R3HCC1L: variants seen among roughly 807,000 people sequenced by gnomAD.
R3HCC1L encodes the protein coiled-coil domain-containing protein R3HCC1L.
A neutral mutation model predicts 59.9 loss-of-function variants in R3HCC1L; 51 were observed. The observed-to-expected ratio is 0.85, with a 90% CI of 0.68 to 1.07. The LOEUF (loss-of-function observed/expected upper bound fraction) is 1.07. Ranked by LOEUF, R3HCC1L falls within the 50% of genes least tolerant of loss-of-function variation. R3HCC1L has a pLI of 0.00. For missense variants in R3HCC1L, 965 were observed against 933.0 expected, an observed-to-expected ratio of 1.03 and a Z score of -0.45; for synonymous variants, 322 against 315.2, an observed-to-expected ratio of 1.02 and a Z score of -0.23.
intron 4 of R3HCC1L, chr10:98,174,492 CTT>C (rs756397848): frequency 3.8e-6 from 3 of 782,590 alleles, no homozygotes; most frequent in Non-Finnish European, 4.7e-6. Context: ...CCTCAAGAAA[CTT>C]GTAGAGTGTG....
At chr10:98,137,918 G>A (rs1253379226) in intron 1 of R3HCC1L, among the ~76,000 whole-genome samples, 1 of 151,934 alleles carries the variant, frequency 6.6e-6, no homozygotes, top group South Asian at 2.1e-4. Flanking sequence ...CAGACTATTA[G>A]ACTTTAAAAT....
intron 9 of R3HCC1L, among the ~76,000 whole-genome samples, chr10:98,241,005 A>G (rs528562679): frequency 1.3e-5 from 2 of 152,320 alleles, no homozygotes; most frequent in Non-Finnish European, 2.9e-5. Flanking sequence ...TAATACATTG[A>G]TAATTATTCT....
intron 4 of R3HCC1L, among the ~76,000 whole-genome samples, chr10:98,170,400 C>G (rs1848403097): frequency 6.6e-6 from 1 of 152,180 alleles, no homozygotes; most frequent in African/African-American, 2.4e-5. Context: ...ACTGCACCCT[C>G]AAATTCATGG....
chr10:98,151,636 T>G (rs537325980), intron 1 of R3HCC1L, among the ~76,000 whole-genome samples: 58 of 152,250 alleles, frequency 3.8e-4, no homozygotes, highest in African/African-American at 1.4e-3. Flanking sequence ...GACATAGAGA[T>G]ATGTTTTTTA....
At chr10:98,172,198 T>A (rs1403599781) in intron 4 of R3HCC1L, among the ~76,000 whole-genome samples, 1 of 152,154 alleles carries the variant, frequency 6.6e-6, no homozygotes, top group Non-Finnish European at 1.5e-5. Flanking sequence ...GATATACACG[T>A]ATTCACAGAT....
intron 4 of R3HCC1L, among the ~76,000 whole-genome samples, chr10:98,170,211 T>A (rs1002101234): frequency 1.3e-5 from 2 of 152,182 alleles, no homozygotes; most frequent in African/African-American, 4.8e-5. Context: ...ACTGCTAGTT[T>A]AGTTGATAGA....
At chr10:98,183,302 A>G (rs1019062399) in intron 4 of R3HCC1L, among the ~76,000 whole-genome samples, 1 of 148,824 alleles carries the variant, frequency 6.7e-6, no homozygotes. Context: ...AATTTCTGAA[A>G]GTTCTTATCC....
chr10:98,142,053 G>A (rs1845193875), intron 1 of R3HCC1L, among the ~76,000 whole-genome samples: 1 of 152,122 alleles, frequency 6.6e-6, no homozygotes, highest in Admixed American at 6.5e-5. Context: ...GTGTTATTTT[G>A]TTAAAAAATT....
rs1218549207 is a variant in R3HCC1L, at chr10:98,235,460, A to G, written c.2068A>G (p.Lys690Glu). The G allele has an allele frequency of 6.2e-7, 1 of 1,613,792 alleles. No individual in the cohort carries two copies. The highest frequency in any genetic ancestry group is 8.5e-7 in the Non-Finnish European group (1 of 1,179,822). The change falls in exon 8 of 10, where the codon AAG becomes GAG. Residue 690 changes from lysine to glutamate, a missense_variant. Physicochemically the swap from Lys to Glu is moderately conservative, Grantham distance 56. Transcript: ENST00000298999. ...GTTGGGTATTAAACACACCATGGTG[A>G]AGATTCGTCCCTTGTCACAGGCCAC... is the stretch of plus-strand genomic sequence containing the variant. ...DALGIKHTMV[K>E]IRPLSQATRA... is the part of the protein sequence containing the mutation.
At chr10:98,201,831 G>GT (rs1852078073) in intron 4 of R3HCC1L, among the ~76,000 whole-genome samples, 2 of 151,010 alleles carry the variant, frequency 1.3e-5, no homozygotes, top group Admixed American at 1.3e-4. Flanking sequence ...GTTAGGAAAT[G>GT]TTTTTTGGAT....
At chr10:98,164,892 T>C (rs981676581) in intron 4 of R3HCC1L, among the ~76,000 whole-genome samples, 1 of 152,188 alleles carries the variant, frequency 6.6e-6, no homozygotes, top group African/African-American at 2.4e-5. Flanking sequence ...AGCTGTGAAA[T>C]AAACAGCTAG....
intron 1 of R3HCC1L, among the ~76,000 whole-genome samples, chr10:98,134,922 C>A (rs1008737313): frequency 2.6e-5 from 4 of 152,176 alleles, no homozygotes; most frequent in Non-Finnish European, 5.9e-5. Context: ...TTGAGAGGGA[C>A]CCTCCCGGGG....
chr10:98,173,885 G>A (rs1000003852), intron 4 of R3HCC1L, among the ~76,000 whole-genome samples: 2 of 152,168 alleles, frequency 1.3e-5, no homozygotes, highest in Admixed American at 1.3e-4. Context: ...CTTCCCAATA[G>A]GAAGAGTATC....
Position 98,208,915 on chromosome 10 carries a change from T to C in R3HCC1L, c.801T>C (p.Thr267=). 1.2e-6 allele frequency: 2 copies of C among 1,614,138 alleles called. No individual in the cohort carries two copies. The highest frequency in any genetic ancestry group is 2.7e-5 in the African/African-American group (2 of 75,038). Residue 267 remains threonine, a synonymous_variant, in exon 5 of 10, where the codon ACT becomes ACC. Transcript: ENST00000298999. ...CCAGCAGCGGAGGCATCACCACTAC[T>C]TCTGTTCCTGGAAGTCCAGATGGTG... is the stretch of plus-strand genomic sequence containing the variant. ...LNPSSGGITT[T]SVPGSPDGVF... is the part of the protein sequence containing the mutation.
At chr10:98,138,005 T>A (rs1328341883) in intron 1 of R3HCC1L, among the ~76,000 whole-genome samples, 1 of 152,210 alleles carries the variant, frequency 6.6e-6, no homozygotes, top group Non-Finnish European at 1.5e-5. Context: ...TGACTGATGC[T>A]AATGATGGCA....
chr10:98,208,658 A>G lies in R3HCC1L; in HGVS notation c.544A>G (p.Asn182Asp), dbSNP rs1433490311. The change falls in exon 5 of 10, where the codon AAT (asparagine) becomes GAT (aspartate). Residue 182 changes from asparagine (N) to aspartate (D), a missense_variant. Asn to Asp is a conservative substitution (Grantham distance 23). Transcript: ENST00000298999. ...EAQVPSKPFQ[N>D]VEFCDFSRHE... The stretch of plus-strand genomic sequence containing the variant: ...TCAAGTTCCAAGCAAACCATTCCAA[A>G]ATGTGGAATTCTGTGACTTCAGTAG... 1.2e-6 allele frequency: 2 copies of G among 1,614,008 alleles called. No individual in the cohort carries two copies. The highest frequency in any genetic ancestry group is 3.3e-5 in the Admixed American group (2 of 59,988).
At chr10:98,195,313 G>A (rs1851304065) in intron 4 of R3HCC1L, among the ~76,000 whole-genome samples, 1 of 152,110 alleles carries the variant, frequency 6.6e-6, no homozygotes, top group Non-Finnish European at 1.5e-5. Context: ...AAGGAAATGA[G>A]GAATTGTTCA....
chr10:98,211,932 A>G (rs1033291001), intron 5 of R3HCC1L, among the ~76,000 whole-genome samples: 3 of 152,216 alleles, frequency 2.0e-5, no homozygotes, highest in African/African-American at 7.2e-5. Context: ...AGTAACATAA[A>G]GAGGACATTG....
At chr10:98,196,157 A>C (rs1001194631) in intron 4 of R3HCC1L, among the ~76,000 whole-genome samples, 1 of 152,182 alleles carries the variant, frequency 6.6e-6, no homozygotes, top group Non-Finnish European at 1.5e-5. Flanking sequence ...TAGAATTTCT[A>C]TTCTCATAGT....
Sources: gnomAD v4.1 joint callset for allele counts (sites outside exome capture counted in the v4.1 genomes callset) on GRCh38, gnomAD v4.1.1 for gene constraint, MANE v1.5 for transcripts, NCBI Gene and HGNC (gene_info 2026-07-23, HGNC 2026-07-21) for gene names.